MYO18B: variants seen among roughly 807,000 people sequenced by gnomAD.
MYO18B encodes the protein myosin XVIIIB.
Under a neutral mutation model 273.0 loss-of-function variants are expected in MYO18B, and 204 were observed. The observed-to-expected ratio is 0.75, with a 90% CI of 0.67 to 0.84. MYO18B has a LOEUF of 0.84. Among genes scored for constraint, MYO18B ranks in the 40% least tolerant of loss-of-function variants. MYO18B has a pLI of 0.00. For missense variants in MYO18B, 3,212 were observed against 3,287.6 expected (o/e 0.98, Z 0.56); for synonymous variants, 1,330 against 1,305.7 (o/e 1.02, Z -0.40).
chr22:25,875,176 C>G (rs1425798128), intron 23 of MYO18B, among the ~76,000 whole-genome samples: 1 of 152,202 alleles, frequency 6.6e-6, no homozygotes, highest in Non-Finnish European at 1.5e-5. Flanking sequence ...GCTCATGTAG[C>G]TCATACCTTG....
intron 28 of MYO18B, among the ~76,000 whole-genome samples, chr22:25,895,924 G>GTTT (rs74267232): frequency 1.4e-5 from 2 of 141,316 alleles, no homozygotes; most frequent in African/African-American, 5.2e-5. Context: ...ATTGTGGAAT[G>GTTT]TTTTTTTTTT....
At chr22:25,861,081 A>T (rs1339414261) in intron 21 of MYO18B, among the ~76,000 whole-genome samples, 1 of 151,966 alleles carries the variant, frequency 6.6e-6, no homozygotes, top group Non-Finnish European at 1.5e-5. Flanking sequence ...ATAGGGTCTT[A>T]CTGTGTTGCC....
intron 42 of MYO18B, among the ~76,000 whole-genome samples, chr22:26,014,148 A>G (rs895701879): frequency 2.0e-5 from 3 of 152,186 alleles, no homozygotes; most frequent in African/African-American, 7.2e-5. Context: ...CTAGATACAC[A>G]ATGCATCATG....
chr22:25,839,359 G>A (rs1047547455), intron 17 of MYO18B, among the ~76,000 whole-genome samples: 1 of 152,182 alleles, frequency 6.6e-6, no homozygotes, highest in Non-Finnish European at 1.5e-5. Flanking sequence ...TGCGGCCCTG[G>A]CCGTGCTCAC....
downstream of MYO18B, among the ~76,000 whole-genome samples, chr22:26,033,393 A>C (rs746434089): frequency 5.9e-5 from 9 of 152,228 alleles, no homozygotes; most frequent in Non-Finnish European, 1.2e-4. Context: ...TGTACTATGA[A>C]GAAAAATAAA....
At chr22:25,831,852 G>A (rs185419649) in intron 15 of MYO18B, among the ~76,000 whole-genome samples, 1 of 152,356 alleles carries the variant, frequency 6.6e-6, no homozygotes, top group Admixed American at 6.5e-5. Context: ...CACGCTGCAT[G>A]ATGAGCAGAA....
the MYO18B span, among the ~76,000 whole-genome samples, chr22:26,049,635 T>C: frequency 6.6e-6 from 1 of 152,250 alleles, no homozygotes; most frequent in Non-Finnish European, 1.5e-5. Context: ...TGTTCACCAC[T>C]GAATCCTCAG....
intron 25 of MYO18B, among the ~76,000 whole-genome samples, chr22:25,888,189 C>G (rs1441254528): frequency 6.6e-6 from 1 of 152,162 alleles, no homozygotes; most frequent in African/African-American, 2.4e-5. Context: ...CACCCTGGAG[C>G]AGGTTGAAAT....
At chr22:25,987,879 A>G (rs539119584) in intron 39 of MYO18B, among the ~76,000 whole-genome samples, 1 of 152,328 alleles carries the variant, frequency 6.6e-6, no homozygotes, top group South Asian at 2.1e-4. Context: ...AATGTGGTGT[A>G]TATCTTAGTG....
intron 5 of MYO18B, 33 bp downstream of exon 5, chr22:25,770,209 T>C: frequency 6.2e-7 from 1 of 1,606,022 alleles, no homozygotes; most frequent in Non-Finnish European, 8.5e-7. Flanking sequence ...TTGGAGGGTC[T>C]GAGTCTTCTC....
At chr22:25,797,855 C>T in intron 11 of MYO18B, 98 bp from the exon 12 acceptor site, 1 of 1,544,408 alleles carries the variant, frequency 6.5e-7, no homozygotes, top group East Asian at 2.3e-5. Context: ...TAAAATGACC[C>T]CCGCATTCCT....
intron 2 of MYO18B, among the ~76,000 whole-genome samples, chr22:25,762,439 G>C (rs949994805): frequency 4.6e-5 from 7 of 152,280 alleles, no homozygotes; most frequent in Non-Finnish European, 1.0e-4. Flanking sequence ...CTCATGGGCT[G>C]TCACTGATGC....
intron 33 of MYO18B, among the ~76,000 whole-genome samples, 179 bp downstream of exon 33, chr22:25,911,229 G>A (rs1432231989): frequency 6.6e-6 from 1 of 152,230 alleles, no homozygotes; most frequent in Admixed American, 6.5e-5. Context: ...GTTTTTGTAA[G>A]AACCCATGGG....
intron 7 of MYO18B, among the ~76,000 whole-genome samples, chr22:25,775,415 G>T (rs1334539468): frequency 6.6e-6 from 1 of 152,324 alleles, no homozygotes; most frequent in African/African-American, 2.4e-5. Flanking sequence ...AAAGGACTGC[G>T]CTAGGGAGGG....
intron 34 of MYO18B, among the ~76,000 whole-genome samples, chr22:25,935,814 T>C (rs767359816): frequency 9.2e-5 from 14 of 152,170 alleles, no homozygotes; most frequent in South Asian, 6.2e-4. Flanking sequence ...GTCCTTCCTG[T>C]GGACACTGTG....
At position 26,026,670 on chromosome 22, in the gene MYO18B, TA is replaced by T; in HGVS notation, c.6697del (p.Thr2233GlnfsTer40). 1 of 1,613,294 alleles carries T rather than the reference TA, an allele frequency of 6.2e-7. No homozygotes were observed. The highest frequency in any genetic ancestry group is 8.5e-7 in the Non-Finnish European group (1 of 1,179,738). On this transcript the variant is annotated frameshift_variant, in exon 43 of 44. Transcript: ENST00000335473. LOFTEE classifies it high-confidence loss of function. ...PASSPLASRSTNTSPLSREKL... is the reference protein window; with the variant it reads ...PASSPLASRSXNTSPLSREKL... ...CTTCCTCTCCCCTGGCTTCTCGGAGTACAAATACATCCCCGCTGTCGAGGGA... is the reference window on the plus strand; with the variant it reads ...CTTCCTCTCCCCTGGCTTCTCGGAGTCAAATACATCCCCGCTGTCGAGGGA...
downstream of MYO18B, among the ~76,000 whole-genome samples, chr22:26,035,353 C>G: frequency 6.6e-6 from 1 of 152,328 alleles, no homozygotes; most frequent in South Asian, 2.1e-4. Context: ...GGAGAGACTC[C>G]TGCTGTCAGG....
At chr22:25,819,618 A>G (rs1275876156) in intron 12 of MYO18B, among the ~76,000 whole-genome samples, 2 of 152,170 alleles carry the variant, frequency 1.3e-5, no homozygotes, top group African/African-American at 4.8e-5. Flanking sequence ...ATTTGTTTCT[A>G]CTTTCTATTT....
At chr22:25,823,355 G>T (rs1024761952) in intron 12 of MYO18B, 150 bp from the exon 13 acceptor site, 1 of 773,870 alleles carries the variant, frequency 1.3e-6, no homozygotes, top group Non-Finnish European at 2.0e-6. Context: ...TTGCCTAGGG[G>T]CCCAGGCCTG....
Sources: gnomAD v4.1 joint callset for allele counts (sites outside exome capture counted in the v4.1 genomes callset) on GRCh38, gnomAD v4.1.1 for gene constraint, MANE v1.5 for transcripts, NCBI Gene and HGNC (gene_info 2026-07-23, HGNC 2026-07-21) for gene names.